The following SELENOI variants were observed in gnomAD, a reference collection of about 807,000 sequenced individuals.
The protein encoded by SELENOI is selenoprotein I.
Under a neutral mutation model 50.7 loss-of-function variants are expected in SELENOI, and 24 were observed. That is an observed-to-expected ratio of 0.47 (90% CI 0.34 to 0.67). SELENOI has a LOEUF of 0.67. SELENOI is among the 30% of genes least tolerant of loss of function. The pLI is 0.01. For synonymous variants in SELENOI, 155 were observed against 170.2 expected (o/e 0.91, Z 0.70); for missense variants, 352 against 461.4 (o/e 0.76, Z 2.17).
rs1678060723 is a variant in SELENOI at position 26,395,105 on chromosome 2, A to G, written c.*6002A>G. On this transcript the variant is annotated 3_prime_UTR_variant, in exon 10 of 10. Coordinates refer to ENST00000260585, the MANE Select transcript of SELENOI (RefSeq NM_033505.4). ...TGTTCATAGTAGCAATGTATGTACCATTTATTTTATCTGGTTGTGTGTGAT... is the reference window on the plus strand; with the variant it reads ...TGTTCATAGTAGCAATGTATGTACCGTTTATTTTATCTGGTTGTGTGTGAT... 6.6e-6 allele frequency: 1 copy of G among 152,194 alleles called. No homozygotes were observed. Among genetic ancestry groups the G allele is most frequent in the South Asian group, 2.1e-4 (1 of 4,834 alleles). The allele number at this position is 152,194 out of a possible 1,614,324, so 9.4% of individuals were successfully genotyped here.
intron 2 of SELENOI, 25 bp from the exon 3 acceptor site, chr2:26,364,807 T>C (rs769100981): frequency 1.3e-6 from 2 of 1,523,100 alleles, no homozygotes; most frequent in Non-Finnish European, 1.8e-6. Flanking sequence ...ACTTTAATTA[T>C]TTTATAATTA....
chr2:26,388,684 A>G (rs1434160664), intron 9 of SELENOI, among the ~76,000 whole-genome samples: 1 of 152,194 alleles, frequency 6.6e-6, no homozygotes, highest in East Asian at 1.9e-4. Flanking sequence ...TATAGAGTCT[A>G]ACTATAAATA....
At chr2:26,352,947 C>T (rs1558410582) in intron 1 of SELENOI, among the ~76,000 whole-genome samples, 1 of 151,182 alleles carries the variant, frequency 6.6e-6, no homozygotes, top group Non-Finnish European at 1.5e-5. Context: ...TTTATTTGCT[C>T]TCTAATTTGC....
chr2:26,382,484 A>C (rs1474364606), intron 6 of SELENOI, among the ~76,000 whole-genome samples: 1 of 152,266 alleles, frequency 6.6e-6, no homozygotes, highest in Non-Finnish European at 1.5e-5. Flanking sequence ...TTTCAAGAGT[A>C]TAATTTCTGC....
intron 6 of SELENOI, among the ~76,000 whole-genome samples, chr2:26,381,476 G>A (rs558229521): frequency 1.8e-4 from 28 of 151,810 alleles, no homozygotes; most frequent in African/African-American, 5.6e-4. Context: ...ATAGAGCTCC[G>A]GCTTTCTACA....
At chr2:26,371,250 A>G (rs1278771095) in intron 4 of SELENOI, among the ~76,000 whole-genome samples, 4 of 145,802 alleles carry the variant, frequency 2.7e-5, no homozygotes, top group Admixed American at 6.8e-5. Flanking sequence ...GAGGCTCCTC[A>G]CTTCTCAGAC....
intron 7 of SELENOI, among the ~76,000 whole-genome samples, 179 bp from the exon 8 acceptor site, chr2:26,384,780 C>G (rs181956613): frequency 6.6e-6 from 1 of 152,170 alleles, no homozygotes. Flanking sequence ...AATTTAAATT[C>G]TCTTATCCTC....
intron 8 of SELENOI, among the ~76,000 whole-genome samples, chr2:26,385,397 C>T (rs970461206): frequency 2.0e-5 from 3 of 152,084 alleles, no homozygotes; most frequent in African/African-American, 7.2e-5. Flanking sequence ...TGGTTGCCCG[C>T]TGAAGAATTC....
Position 26,391,025 on chromosome 2 carries a change from A to G in SELENOI, c.*1922A>G, listed in dbSNP as rs972053547. On this transcript the variant is annotated 3_prime_UTR_variant, in exon 10 of 10. Transcript: ENST00000260585. ...TTATAAAATGACAAACTTGGACCAC[A>G]GGCTTTCTTGACCTTGTACAGTATA... 6.6e-6 allele frequency: 1 copy of G among 152,234 alleles called. No homozygotes were observed. Among genetic ancestry groups the G allele is most frequent in the African/African-American group, 2.4e-5 (1 of 41,460 alleles). The allele number at this position is 152,234 out of a possible 1,614,324, so 9.4% of individuals were successfully genotyped here. A position where few individuals can be genotyped will look rare whatever the true frequency, so the allele number is the denominator to read the frequency against.
chr2:26,379,971 G>T (rs1482287996), intron 6 of SELENOI, among the ~76,000 whole-genome samples: 1 of 152,044 alleles, frequency 6.6e-6, no homozygotes, highest in African/African-American at 2.4e-5. Flanking sequence ...TTAAGATTTT[G>T]TTTTTTTGCA....
chr2:26,371,279 C>T (rs1195071696), intron 4 of SELENOI, among the ~76,000 whole-genome samples: 8 of 149,986 alleles, frequency 5.3e-5, no homozygotes, highest in South Asian at 2.1e-4. Flanking sequence ...CGGGCAGAGA[C>T]GCTCCTCACC....
rs1678028527 is a variant in SELENOI at position 26,393,915 on chromosome 2, T to G, written c.*4812T>G. 1 of 152,226 alleles carries G rather than the reference T, an allele frequency of 6.6e-6. No individual in the cohort carries two copies. The highest frequency in any genetic ancestry group is 2.1e-4 in the South Asian group (1 of 4,830). 9.4% of individuals were successfully genotyped at this position (152,226 alleles called of 1,614,324 possible). A position where few individuals can be genotyped will look rare whatever the true frequency, so the allele number is the denominator to read the frequency against. On this transcript the variant is annotated 3_prime_UTR_variant, in exon 10 of 10. Transcript: ENST00000260585. Reference sequence around the variant, plus strand: ...GAGTTTCTATGGGTAGCAATTAAAATTAGAATTTATTTTAAGGTTTTTATT... The same window carrying G: ...GAGTTTCTATGGGTAGCAATTAAAAGTAGAATTTATTTTAAGGTTTTTATT...
At chr2:26,356,354 GA>G (rs1473469268) in intron 1 of SELENOI, among the ~76,000 whole-genome samples, 2 of 152,122 alleles carry the variant, frequency 1.3e-5, no homozygotes, top group Non-Finnish European at 2.9e-5. Flanking sequence ...TGGGGCAGTG[GA>G]CTCAGTGTGA....
At chr2:26,353,835 T>C (rs1378126963) in intron 1 of SELENOI, among the ~76,000 whole-genome samples, 1 of 152,210 alleles carries the variant, frequency 6.6e-6, no homozygotes, top group Non-Finnish European at 1.5e-5. Flanking sequence ...ATGGCTTGTT[T>C]CTCTAACTGC....
intron 1 of SELENOI, among the ~76,000 whole-genome samples, chr2:26,358,514 A>T (rs777610729): frequency 6.6e-6 from 1 of 152,194 alleles, no homozygotes; most frequent in Non-Finnish European, 1.5e-5. Flanking sequence ...CATGAGCCAC[A>T]ATGCCCGGTC....
intron 7 of SELENOI, among the ~76,000 whole-genome samples, chr2:26,384,549 T>C (rs1165089630): frequency 6.6e-6 from 1 of 152,210 alleles, no homozygotes; most frequent in Non-Finnish European, 1.5e-5. Flanking sequence ...AAGTTCTCTA[T>C]CACTTTGTGT....
intron 9 of SELENOI, among the ~76,000 whole-genome samples, chr2:26,387,395 T>C (rs1274887848): frequency 6.6e-6 from 1 of 152,078 alleles, no homozygotes; most frequent in Non-Finnish European, 1.5e-5. Context: ...TTCACCATTA[T>C]AAATATTGCC....
intron 4 of SELENOI, among the ~76,000 whole-genome samples, chr2:26,370,489 T>C (rs1318897388): frequency 6.7e-6 from 1 of 149,072 alleles, no homozygotes; most frequent in East Asian, 2.0e-4. Context: ...GGCGGGGGGC[T>C]GACCCCCCCA....
rs779449427 is a variant in SELENOI, at chr2:26,346,338, G to A, written c.57+49G>A. The A allele has an allele frequency of 2.7e-5, 42 of 1,571,886 alleles. No individual in the cohort carries two copies. In the East Asian group the frequency reaches 9.8e-4, roughly 37 times the overall value. ...CTCTCCCTGCTCCCGGCCTCGCCCA[G>A]GCGGCTGAGGGGCCCGCGCGGCGCG... On this transcript the variant is annotated intron_variant, in intron 1 of 9. Transcript: ENST00000260585.
Sources: allele counts gnomAD v4.1 joint callset (sites outside exome capture counted in the v4.1 genomes callset), GRCh38; gene constraint gnomAD v4.1.1; transcripts MANE v1.5; gene names NCBI Gene and HGNC (gene_info 2026-07-23, HGNC 2026-07-21).